The following DPF3 variants were observed in gnomAD, a reference collection of about 807,000 sequenced individuals.
DPF3 encodes zinc finger protein DPF3.
In DPF3, 18 loss-of-function variants were observed where a neutral mutation model predicts 56.8. The observed-to-expected ratio is 0.32, with a 90% CI of 0.22 to 0.47. The LOEUF is 0.47. DPF3 is among the 20% of genes least tolerant of loss of function. The pLI is 1.00. For missense variants in DPF3, 403 were observed against 488.8 expected (o/e 0.82, Z 1.65); for synonymous variants, 188 against 180.2 (o/e 1.04, Z -0.35).
chr14:72,860,429 A>G (rs374138374), intron 1 of DPF3, among the ~76,000 whole-genome samples: 2 of 151,936 alleles, frequency 1.3e-5, no homozygotes, highest in East Asian at 3.9e-4. Flanking sequence ...AAGCGATCCT[A>G]CCACCTCAGC....
chr14:72,658,902 G>A (rs1398924041), intron 8 of DPF3, among the ~76,000 whole-genome samples: 2 of 152,142 alleles, frequency 1.3e-5, no homozygotes, highest in Non-Finnish European at 2.9e-5. Flanking sequence ...GTCATGTTCA[G>A]TTAGGGCACT....
At chr14:72,736,175 C>A (rs981177549) in intron 3 of DPF3, among the ~76,000 whole-genome samples, 1 of 152,162 alleles carries the variant, frequency 6.6e-6, no homozygotes, top group Non-Finnish European at 1.5e-5. Flanking sequence ...GATATTGTAT[C>A]CGATCTGGTA....
At position 72,614,777 on chromosome 14, in the gene DPF3, G is replaced by GA. The variant is rs757694376; in HGVS notation, c.*4519dup. Among the ~76,000 whole-genome samples the GA allele has an allele frequency of 1.1e-3, 104 of 96,016 alleles. 2 individuals carry two copies. The highest frequency in any genetic ancestry group is 1.9e-3 in the Admixed American group (18 of 9,410). The allele number at this position is 96,016 out of a possible 152,430, so 63.0% of individuals were successfully genotyped here. A position where few individuals can be genotyped will look rare whatever the true frequency, so the allele number is the denominator to read the frequency against. On this transcript the variant is annotated 3_prime_UTR_variant, in exon 11 of 11. Coordinates refer to ENST00000556509, the MANE Select transcript of DPF3 (RefSeq NM_001280542.3). ...CTGTTGCCCAGGATCACAAGCCTCA[G>GA]AAAAAAAAAAAAGAGTTACAATCAC...
At chr14:72,870,275 T>C (rs1885845789) in intron 1 of DPF3, among the ~76,000 whole-genome samples, 1 of 152,176 alleles carries the variant, frequency 6.6e-6, no homozygotes, top group Non-Finnish European at 1.5e-5. Flanking sequence ...GAGGACAAAC[T>C]CTCAGTCCTC....
intron 1 of DPF3, among the ~76,000 whole-genome samples, chr14:72,805,473 A>G (rs1882731094): frequency 1.4e-5 from 2 of 139,100 alleles, no homozygotes; most frequent in South Asian, 2.1e-4. Context: ...TCTACCTCCA[A>G]AAAAAAAAAA....
chr14:72,643,499 C>T (rs972951580), intron 8 of DPF3, among the ~76,000 whole-genome samples: 53 of 152,216 alleles, frequency 3.5e-4, no homozygotes, highest in African/African-American at 1.3e-3. Context: ...CACAAAGGGG[C>T]CTGGAGGCTG....
chr14:72,731,597 G>A (rs1889647801), intron 4 of DPF3: 1 of 602,038 alleles, frequency 1.7e-6, no homozygotes, highest in South Asian at 2.0e-5. Flanking sequence ...AGAGGGAAGG[G>A]AACCGAGGTG....
At chr14:72,796,351 A>C (rs970681712) in intron 1 of DPF3, among the ~76,000 whole-genome samples, 9 of 152,152 alleles carry the variant, frequency 5.9e-5, no homozygotes, top group Non-Finnish European at 1.2e-4. Context: ...AAAATACAAA[A>C]AATTAGCCAG....
intron 8 of DPF3, among the ~76,000 whole-genome samples, chr14:72,644,400 CAAAT>C (rs1885652569): frequency 1.3e-5 from 2 of 152,324 alleles, no homozygotes; most frequent in South Asian, 2.1e-4. Flanking sequence ...GACAATCAAA[CAAAT>C]ATTTATCCAA....
chr14:72,705,035 A>G (rs1752221842), intron 6 of DPF3, among the ~76,000 whole-genome samples: 1 of 152,184 alleles, frequency 6.6e-6, no homozygotes, highest in African/African-American at 2.4e-5. Context: ...ACCACGGACC[A>G]TGCAGGCCAA....
intron 2 of DPF3, among the ~76,000 whole-genome samples, chr14:72,760,221 A>T (rs954690944): frequency 6.6e-6 from 1 of 152,202 alleles, no homozygotes; most frequent in Non-Finnish European, 1.5e-5. Flanking sequence ...CTGTAATCCC[A>T]ACAATTTGGG....
At chr14:72,882,672 G>A (rs1021373386) in intron 1 of DPF3, among the ~76,000 whole-genome samples, 4 of 152,124 alleles carry the variant, frequency 2.6e-5, no homozygotes, top group South Asian at 2.1e-4. Context: ...GCGCTCCCAC[G>A]ATAATAGATG....
chr14:72,735,330 C>T (rs1002173672), intron 3 of DPF3, among the ~76,000 whole-genome samples: 4 of 152,200 alleles, frequency 2.6e-5, no homozygotes, highest in Admixed American at 6.5e-5. Context: ...TATCTACCCA[C>T]TATAGAATGT....
At chr14:72,723,905 C>A in intron 4 of DPF3, 177 bp from the exon 5 acceptor site, 1 of 579,034 alleles carries the variant, frequency 1.7e-6, no homozygotes, top group Non-Finnish European at 2.9e-6. Flanking sequence ...ACTCTTGGCA[C>A]TACCGAGGCT....
At position 72,619,244 on chromosome 14, in the gene DPF3, T is replaced by G; in HGVS notation, c.*53A>C. 2 of 1,521,546 alleles carry G rather than the reference T, an allele frequency of 1.3e-6. No individual in the cohort carries two copies. Among genetic ancestry groups the G allele is most frequent in the South Asian group, 1.2e-5 (1 of 83,362 alleles). The allele number at this position is 1,521,546 out of a possible 1,614,324, so 94.3% of individuals were successfully genotyped here. On this transcript the variant is annotated 3_prime_UTR_variant, in exon 11 of 11. Coordinates refer to ENST00000556509, the MANE Select transcript of DPF3 (RefSeq NM_001280542.3). ...GAGGAGGGCGCGTTCTGGTTTGAAC[T>G]GGGCTCTGCTTTAGGATCTCCAGCA...
At position 72,613,677 on chromosome 14, in the gene DPF3, C is replaced by G. The variant is rs1883897136; in HGVS notation, c.*5620G>C. Reference sequence around the variant, plus strand: ...CTGTTCCCAGGAACCCACTCACTTCCAAATCTTTCCCCTCATGCAGGGAGT... The same window carrying G: ...CTGTTCCCAGGAACCCACTCACTTCGAAATCTTTCCCCTCATGCAGGGAGT... On this transcript the variant is annotated 3_prime_UTR_variant, in exon 11 of 11. Transcript: ENST00000556509. Among the ~76,000 whole-genome samples, 1 of 152,174 alleles carries G rather than the reference C, an allele frequency of 6.6e-6. No individual in the cohort carries two copies. The highest frequency in any genetic ancestry group is 2.1e-4 in the South Asian group (1 of 4,828).
At chr14:72,779,202 G>GT (rs1891870007) in intron 1 of DPF3, among the ~76,000 whole-genome samples, 1 of 152,222 alleles carries the variant, frequency 6.6e-6, no homozygotes, top group African/African-American at 2.4e-5. Flanking sequence ...TGGCATGCTT[G>GT]TGCACAGTCT....
chr14:72,794,639 G>A (rs1892564816), intron 1 of DPF3, among the ~76,000 whole-genome samples: 1 of 152,200 alleles, frequency 6.6e-6, no homozygotes, highest in Non-Finnish European at 1.5e-5. Flanking sequence ...AGGAGCCTTA[G>A]CAGGTTGGAA....
intron 4 of DPF3, 60 bp from the exon 5 acceptor site, chr14:72,723,788 A>C: frequency 1.4e-6 from 2 of 1,471,552 alleles, no homozygotes; most frequent in Non-Finnish European, 1.8e-6. Context: ...AAAAACCATC[A>C]GAGAGTAATT....
Sources: gnomAD v4.1 joint callset for allele counts (sites outside exome capture counted in the v4.1 genomes callset) on GRCh38, gnomAD v4.1.1 for gene constraint, MANE v1.5 for transcripts, NCBI Gene and HGNC (gene_info 2026-07-23, HGNC 2026-07-21) for gene names.